LDB3: variants seen among roughly 807,000 people sequenced by gnomAD.
LDB3 encodes the protein LIM domain binding 3, also known as LIM domain-binding protein 3.
LDB3 carries 49 observed loss-of-function variants against 69.0 expected under a neutral mutation model. The observed-to-expected ratio is 0.71, with a 90% CI of 0.56 to 0.90. The LOEUF is 0.90. Among genes scored for constraint, LDB3 ranks in the 40% least tolerant of loss-of-function variants. The probability of loss-of-function intolerance (pLI) is 0.00; values close to 1 mark genes in which losing one functional copy is unlikely to be tolerated. For missense variants in LDB3, 928 were observed against 974.1 expected (o/e 0.95, Z 0.63); for synonymous variants, 387 against 396.2 (o/e 0.98, Z 0.28).
chr10:86,732,392 C>A, intron 13 of LDB3: 1 of 384,626 alleles, frequency 2.6e-6, no homozygotes, highest in Non-Finnish European at 5.0e-6. Context: ...CTTCAGGAAT[C>A]TTAGTTTTTA....
intron 5 of LDB3, among the ~76,000 whole-genome samples, chr10:86,684,537 C>T (rs1212020760): frequency 6.6e-6 from 1 of 152,262 alleles, no homozygotes; most frequent in Non-Finnish European, 1.5e-5. Flanking sequence ...CCTAATATAG[C>T]TCCACTTGCA....
intron 5 of LDB3, among the ~76,000 whole-genome samples, chr10:86,683,108 C>T (rs1161149355): frequency 2.0e-5 from 3 of 152,200 alleles, no homozygotes; most frequent in African/African-American, 4.8e-5. Context: ...CTCCTTGTCC[C>T]GCATTTGTTG....
chr10:86,732,949 G>A lies in LDB3; in HGVS notation c.2157G>A (p.Lys719=), dbSNP rs758201230. The A allele has an allele frequency of 5.6e-6, 9 of 1,613,910 alleles. No homozygotes were observed. The highest frequency in any genetic ancestry group is 1.7e-4 in the Middle Eastern group (1 of 6,042). The part of the protein sequence containing the change: ...FYSKKDRPLC[K]KHAHTINL ...CCAAGAAGGACAGACCCCTGTGCAA[G>A]AAGCACGCACACACCATCAACTTGT... The change falls in exon 14 of 14, where the codon AAG becomes AAA. Residue 719 remains lysine (K), a synonymous_variant. Coordinates refer to ENST00000361373, the MANE Select transcript of LDB3 (RefSeq NM_007078.3).
In LDB3 at chr10:86,710,005, C is replaced by G. The variant is rs1381057453; in HGVS notation, c.1186C>G (p.Arg396Gly). 6.2e-7 allele frequency: 1 copy of G among 1,613,080 alleles called. No individual in the cohort carries two copies. Among genetic ancestry groups the G allele is most frequent in the Non-Finnish European group, 8.5e-7 (1 of 1,180,028 alleles). ...EGPAAPAPKP[R>G]VVTTASIRPS... ...CCCCGCCGCCCCTGCACCCAAGCCC[C>G]GGGTTGTCACCACTGCCAGCATCCG... Residue 396 changes from arginine (R) to glycine (G), a missense_variant, in exon 9 of 14, where the codon CGG (arginine) becomes GGG (glycine). Coordinates refer to ENST00000361373, the MANE Select transcript of LDB3 (RefSeq NM_007078.3).
intron 7 of LDB3, among the ~76,000 whole-genome samples, chr10:86,700,250 G>A (rs1009571152): frequency 2.6e-5 from 4 of 152,182 alleles, no homozygotes; most frequent in African/African-American, 9.7e-5. Flanking sequence ...ACGGCGGGAG[G>A]ATGGCTGGTG....
At chr10:86,686,353 T>A (rs1845466637) in intron 5 of LDB3, among the ~76,000 whole-genome samples, 2 of 152,178 alleles carry the variant, frequency 1.3e-5, no homozygotes, top group Non-Finnish European at 2.9e-5. Context: ...CATTCTGGAC[T>A]CAGCTTGGGC....
At chr10:86,667,652 C>T (rs556390131), upstream of LDB3, among the ~76,000 whole-genome samples, 163 of 152,354 alleles carry the variant, frequency 1.1e-3, no homozygotes, top group African/African-American at 3.8e-3. Context: ...GCGTGTGGCA[C>T]TGGCAGCTGG....
rs1847551365 is a variant in LDB3 at position 86,733,855 on chromosome 10, T to A, written c.*879T>A. 1 of 150,334 alleles carries A rather than the reference T, an allele frequency of 6.7e-6. No homozygotes were observed. The highest frequency in any genetic ancestry group is 1.5e-5 in the Non-Finnish European group (1 of 68,070). The allele number at this position is 150,334 out of a possible 1,614,324, so 9.3% of individuals were successfully genotyped here. A position where few individuals can be genotyped will look rare whatever the true frequency, so the allele number is the denominator to read the frequency against. On this transcript the variant is annotated 3_prime_UTR_variant, in exon 14 of 14. Coordinates refer to ENST00000361373, the MANE Select transcript of LDB3 (RefSeq NM_007078.3). The stretch of plus-strand genomic sequence containing the variant: ...CTTTAAGGGTTCGTTAGCATGAGTG[T>A]CCAGTCGTGTGCATGAATTTCACCC...
At chr10:86,678,337 A>G (rs940432694) in intron 2 of LDB3, among the ~76,000 whole-genome samples, 3 of 90,566 alleles carry the variant, frequency 3.3e-5, no homozygotes, top group African/African-American at 1.3e-4. Context: ...ACACCTGGCC[A>G]CCCTTTTTTT....
At chr10:86,684,757 A>C (rs1485362416) in intron 5 of LDB3, among the ~76,000 whole-genome samples, 3 of 152,234 alleles carry the variant, frequency 2.0e-5, no homozygotes, top group Admixed American at 1.3e-4. Context: ...AGATTCAAGA[A>C]GGTGGCAGAG....
chr10:86,687,415 AG>A, intron 5 of LDB3: 2 of 803,904 alleles, frequency 2.5e-6, no homozygotes, highest in East Asian at 2.6e-5. Flanking sequence ...AGCCTTCACC[AG>A]GGCCTTCTGG....
At chr10:86,732,223 G>A (rs1446887316) in intron 13 of LDB3, among the ~76,000 whole-genome samples, 2 of 151,676 alleles carry the variant, frequency 1.3e-5, no homozygotes, top group Non-Finnish European at 2.9e-5. Context: ...GTTTACTAAT[G>A]ATTTTCTTTA....
At chr10:86,672,508 C>T (rs115140245) in intron 2 of LDB3, among the ~76,000 whole-genome samples, 111 of 152,370 alleles carry the variant, frequency 7.3e-4, no homozygotes, top group African/African-American at 2.6e-3. Context: ...GCCGCTGGAG[C>T]ACGCAGTGCT....
In LDB3 at chr10:86,717,983, A is replaced by G. The variant is rs775232208; in HGVS notation, c.1696A>G (p.Met566Val). Residue 566 changes from methionine to valine, a missense_variant, in exon 11 of 14, where the codon ATG becomes GTG. Coordinates refer to ENST00000361373, the MANE Select transcript of LDB3 (RefSeq NM_007078.3). ...NVIRGPFLVA[M>V]GRSWHPEEFT... Reference sequence around the variant, plus strand: ...CCCCAGGGGCCCATTTCTGGTAGCCATGGGCCGTTCTTGGCACCCTGAAGA... The same window carrying G: ...CCCCAGGGGCCCATTTCTGGTAGCCGTGGGCCGTTCTTGGCACCCTGAAGA... 2.4e-5 allele frequency: 38 copies of G among 1,614,048 alleles called. No individual in the cohort carries two copies. The highest frequency in any genetic ancestry group is 2.0e-4 in the Admixed American group (12 of 60,004).
At chr10:86,702,357 T>G (rs1424423196) in intron 7 of LDB3, among the ~76,000 whole-genome samples, 1 of 151,832 alleles carries the variant, frequency 6.6e-6, no homozygotes, top group East Asian at 1.9e-4. Context: ...AGACATAATA[T>G]CATAGTTATC....
intron 7 of LDB3, among the ~76,000 whole-genome samples, chr10:86,703,233 G>T (rs1176011607): frequency 1.3e-5 from 2 of 152,216 alleles, no homozygotes; most frequent in African/African-American, 4.8e-5. Context: ...GCAGATAAAG[G>T]AGATCAGTGT....
intron 4 of LDB3, among the ~76,000 whole-genome samples, chr10:86,680,801 C>T (rs1046474513): frequency 1.3e-5 from 2 of 152,236 alleles, no homozygotes; most frequent in Admixed American, 1.3e-4. Context: ...ACTTCTCCCC[C>T]TATGTGAACT....
At chr10:86,702,775 C>A (rs1846311188) in intron 7 of LDB3, among the ~76,000 whole-genome samples, 1 of 152,130 alleles carries the variant, frequency 6.6e-6, no homozygotes, top group Non-Finnish European at 1.5e-5. Context: ...AGGAACTGAC[C>A]TGGAATAAGA....
intron 7 of LDB3, among the ~76,000 whole-genome samples, chr10:86,694,774 G>GCT (rs1210640986): frequency 1.3e-5 from 2 of 152,098 alleles, no homozygotes; most frequent in Non-Finnish European, 2.9e-5. Flanking sequence ...GGGGCCCCAG[G>GCT]CTCACCTACA....
Sources: allele counts gnomAD v4.1 joint callset (sites outside exome capture counted in the v4.1 genomes callset), GRCh38; gene constraint gnomAD v4.1.1; transcripts MANE v1.5; gene names NCBI Gene and HGNC (gene_info 2026-07-23, HGNC 2026-07-21).